Variants in LGALS9B observed in about 807,000 individuals in gnomAD.
LGALS9B encodes the protein galectin-9B.
Under a neutral mutation model 35.9 loss-of-function variants are expected in LGALS9B, and 8 were observed. That is an observed-to-expected ratio of 0.22 (90% CI 0.13 to 0.40). LGALS9B has a LOEUF of 0.40. Ranked by LOEUF, LGALS9B falls within the 10% of genes least tolerant of loss-of-function variation. The probability of loss-of-function intolerance (pLI) is 1.00; values close to 1 mark genes in which losing one functional copy is unlikely to be tolerated. For missense variants in LGALS9B, 101 were observed against 397.9 expected, an observed-to-expected ratio of 0.25 and a Z score of 6.35; for synonymous variants, 42 against 148.6, an observed-to-expected ratio of 0.28 and a Z score of 5.22.
chr17:20,465,100 C>T lies in LGALS9B; in HGVS notation c.39+2332G>A, dbSNP rs532043434. ...AGACCGGGGACTTTCCCTCTTCTTC[C>T]TACCTGGAAGTCAAAGCAGAGCTGA... On this transcript the variant is annotated intron_variant, in intron 1 of 10. Transcript: ENST00000423676. 3.3e-3 allele frequency among the ~76,000 whole-genome samples: 503 copies of T among 151,708 alleles called. 1 individual carries two copies. Among genetic ancestry groups the T allele is most frequent in the Non-Finnish European group, 4.3e-3 (291 of 67,906 alleles).
At chr17:20,467,332 C>A (rs2042769932) in intron 1 of LGALS9B, 100 bp downstream of exon 1, 3 of 1,085,280 alleles carry the variant, frequency 2.8e-6, no homozygotes, top group Non-Finnish European at 4.0e-6. Context: ...TTGGGATGCC[C>A]CCACCCCTGT....
chr17:20,455,764 C>T (rs1376142413), intron 4 of LGALS9B, among the ~76,000 whole-genome samples: 4 of 151,038 alleles, frequency 2.6e-5, no homozygotes, highest in African/African-American at 7.3e-5. Flanking sequence ...ATCCAGCTGC[C>T]GGTGCCCTGT....
At position 20,449,814 on chromosome 17, in the gene LGALS9B, G is replaced by A; in HGVS notation, c.*159C>T. On this transcript the variant is annotated 3_prime_UTR_variant, in exon 11 of 11. Transcript: ENST00000423676. Reference sequence around the variant, plus strand: ...AGTCAGCTGCCTTCTCAATTCCAGGGTGGCTGTAGCCAGAAGCAGGACCAG... The same window carrying A: ...AGTCAGCTGCCTTCTCAATTCCAGGATGGCTGTAGCCAGAAGCAGGACCAG... The A allele has an allele frequency of 2.0e-6, 1 of 501,610 alleles. No homozygotes were observed. Among genetic ancestry groups the A allele is most frequent in the East Asian group, 2.9e-5 (1 of 34,446 alleles). 31.1% of individuals were successfully genotyped at this position (501,610 alleles called of 1,614,324 possible). A position where few individuals can be genotyped will look rare whatever the true frequency, so the allele number is the denominator to read the frequency against.
In LGALS9B at chr17:20,458,267, C is replaced by T. The variant is rs545703784; in HGVS notation, c.249G>A (p.Gly83=). 1 of 1,614,000 alleles carries T rather than the reference C, an allele frequency of 6.2e-7. No homozygotes were observed. Among genetic ancestry groups the T allele is most frequent in the Non-Finnish European group, 8.5e-7 (1 of 1,179,948 alleles). Residue 83 remains glycine, a synonymous_variant, in exon 3 of 11, where the codon GGG becomes GGA. Coordinates refer to ENST00000423676, the MANE Select transcript of LGALS9B (RefSeq NM_001367292.2). ...VCNTRQKGRW[G]PEERKMHMPF... ...GCATGTGCATCTTCCTCTCCTCGGG[C>T]CCCCATCTTCCTTTCTGCCTCGTGT...
At chr17:20,455,732 C>T (rs140171531) in intron 4 of LGALS9B, among the ~76,000 whole-genome samples, 2,551 of 150,848 alleles carry the variant, frequency 0.017, 26 homozygotes, top group African/African-American at 0.055. Flanking sequence ...CCTCGAATGC[C>T]AAAAGGGTAA....
chr17:20,460,378 C>T lies in LGALS9B; in HGVS notation c.105G>A (p.Gly35=), dbSNP rs1361083420. The change falls in exon 2 of 11, where the codon GGG becomes GGA. Residue 35 remains glycine (G), a synonymous_variant. Coordinates refer to ENST00000423676, the MANE Select transcript of LGALS9B (RefSeq NM_001367292.2). ...LQDGFQITVN[G]AVLSSSGTRF... Reference sequence around the variant, plus strand: ...TGGTTCCACTGGAGCTGAGAACGGCCCCATTGACAGTGATCTGAAATCCGT... The same window carrying T: ...TGGTTCCACTGGAGCTGAGAACGGCTCCATTGACAGTGATCTGAAATCCGT... 3.7e-6 allele frequency: 6 copies of T among 1,601,094 alleles called. No homozygotes were observed. The highest frequency in any genetic ancestry group is 3.3e-5 in the Admixed American group (2 of 59,772).
At chr17:20,452,032 A>G in intron 8 of LGALS9B, 149 bp from the exon 9 acceptor site, 2 of 1,232,048 alleles carry the variant, frequency 1.6e-6, no homozygotes, top group Non-Finnish European at 1.1e-6. Flanking sequence ...AGCCAAAGGA[A>G]AACTTTCCGG....
intron 2 of LGALS9B, 121 bp downstream of exon 2, chr17:20,460,231 C>T: frequency 6.5e-7 from 1 of 1,530,864 alleles, no homozygotes. Context: ...TGCATTGGGT[C>T]TCCCCTGCGC....
Position 20,455,338 on chromosome 17 carries a change from A to C in LGALS9B, c.505T>G (p.Cys169Gly). The C allele has an allele frequency of 7.4e-7, 1 of 1,355,282 alleles. No individual in the cohort carries two copies. The highest frequency in any genetic ancestry group is 1.0e-6 in the Non-Finnish European group (1 of 970,122). The allele number at this position is 1,355,282 out of a possible 1,614,324, so 84.0% of individuals were successfully genotyped here. A position where few individuals can be genotyped will look rare whatever the true frequency, so the allele number is the denominator to read the frequency against. ...CGCCCCCTGGGCCTGGGTGGGAAAC[A>C]GACAGGCTGGGAGAACGGCACCGTG... ...FSTVPFSQPV[C>G]FPPRPRGRRQ... The change falls in exon 5 of 11, where the codon TGT (cysteine) becomes GGT (glycine). Residue 169 changes from cysteine (C) to glycine (G), a missense_variant. Coordinates refer to ENST00000423676, the MANE Select transcript of LGALS9B (RefSeq NM_001367292.2).
chr17:20,459,052 G>A (rs1168906633), intron 2 of LGALS9B, among the ~76,000 whole-genome samples: 1 of 151,832 alleles, frequency 6.6e-6, no homozygotes, highest in Non-Finnish European at 1.5e-5. Context: ...AGGAAGTCGA[G>A]GCTGCAGTGA....
At chr17:20,464,109 T>G (rs1325608709) in intron 1 of LGALS9B, among the ~76,000 whole-genome samples, 2 of 125,992 alleles carry the variant, frequency 1.6e-5, no homozygotes, top group Admixed American at 7.7e-5. Context: ...TTTTTTTTTT[T>G]TTTTTTGAGA....
At position 20,449,830 on chromosome 17, in the gene LGALS9B, G is replaced by A; in HGVS notation, c.*143C>T. ...AATTCCAGGGTGGCTGTAGCCAGAA[G>A]CAGGACCAGATAAGGACATGGCCTC... On this transcript the variant is annotated 3_prime_UTR_variant, in exon 11 of 11. Coordinates refer to ENST00000423676, the MANE Select transcript of LGALS9B (RefSeq NM_001367292.2). 2.1e-6 allele frequency: 1 copy of A among 483,186 alleles called. No individual in the cohort carries two copies. Among genetic ancestry groups the A allele is most frequent in the Admixed American group, 4.4e-5 (1 of 22,590 alleles). 29.9% of individuals were successfully genotyped at this position (483,186 alleles called of 1,614,324 possible).
Position 20,451,681 on chromosome 17 carries a change from G to A in LGALS9B, c.762-38C>T, listed in dbSNP as rs371066326. ...GCCTACCTGGACCTTTGTCCACTGA[G>A]TTCTGAGCCCCATTTCCTCCCCATC... On this transcript the variant is annotated intron_variant, in intron 9 of 10. Coordinates refer to ENST00000423676, the MANE Select transcript of LGALS9B (RefSeq NM_001367292.2). 208 of 1,577,772 alleles carry A rather than the reference G, an allele frequency of 1.3e-4. No homozygotes were observed. The African/African-American group carries it at 2.0e-3, about 15-fold the overall frequency.
rs202148308 is a variant in LGALS9B at position 20,458,248 on chromosome 17, G to A, written c.268C>T (p.His90Tyr). 473 of 1,613,800 alleles carry A rather than the reference G, an allele frequency of 2.9e-4. 2 individuals carry two copies. The African/African-American group carries it at 5.5e-3, about 19-fold the overall frequency. The change falls in exon 3 of 11, where the codon CAC becomes TAC. Residue 90 changes from histidine (H) to tyrosine (Y), a missense_variant. Coordinates refer to ENST00000423676, the MANE Select transcript of LGALS9B (RefSeq NM_001367292.2). Reference sequence around the variant, plus strand: ...GGCATCCCCTTCTGGAAGGGCATGTGCATCTTCCTCTCCTCGGGCCCCCAT... The same window carrying A: ...GGCATCCCCTTCTGGAAGGGCATGTACATCTTCCTCTCCTCGGGCCCCCAT... ...GRWGPEERKM[H>Y]MPFQKGMPFD...
rs528949594 is a variant in LGALS9B, at chr17:20,459,599, T to A, written c.131+753A>T. Among the ~76,000 whole-genome samples, 27 of 34,296 alleles carry A rather than the reference T, an allele frequency of 7.9e-4. 10 individuals carry two copies. The East Asian group carries it at 8.2e-3, about 10-fold the overall frequency. 22.5% of individuals were successfully genotyped at this position (34,296 alleles called of 152,430 possible). A position where few individuals can be genotyped will look rare whatever the true frequency, so the allele number is the denominator to read the frequency against. On this transcript the variant is annotated intron_variant, in intron 2 of 10. Coordinates refer to ENST00000423676, the MANE Select transcript of LGALS9B (RefSeq NM_001367292.2). ...CCAGAGGGTCTTAAGAGAGGTCCAC[T>A]GGGACTGAGGCAGAGAGGCTTCCGA...
intron 2 of LGALS9B, 72 bp downstream of exon 2, chr17:20,460,280 G>T (rs575855786): frequency 5.0e-6 from 8 of 1,609,932 alleles, no homozygotes; most frequent in Non-Finnish European, 6.8e-6. Context: ...TGAACTAACC[G>T]AGGCTCACAG....
In LGALS9B at chr17:20,455,459, G is replaced by A. The variant is rs963481468; in HGVS notation, c.445-61C>T. ...GCATTAATAGAGCCAAGGAGAAGCC[G>A]AAAGGCAGATGCAGGGGCAGGAGGC... On this transcript the variant is annotated intron_variant, in intron 4 of 10. Transcript: ENST00000423676. 34 of 1,176,722 alleles carry A rather than the reference G, an allele frequency of 2.9e-5. 4 individuals are homozygous for A. Among genetic ancestry groups the A allele is most frequent in the Admixed American group, 4.7e-5 (2 of 42,260 alleles). The allele number at this position is 1,176,722 out of a possible 1,614,324, so 72.9% of individuals were successfully genotyped here.
rs1181638672 is a variant in LGALS9B, at chr17:20,449,711, G to T, written c.*262C>A. 17 of 299,350 alleles carry T rather than the reference G, an allele frequency of 5.7e-5. 1 individual carries two copies. The East Asian group carries it at 6.8e-4, about 12-fold the overall frequency. The allele number at this position is 299,350 out of a possible 1,614,324, so 18.5% of individuals were successfully genotyped here. On this transcript the variant is annotated 3_prime_UTR_variant, in exon 11 of 11. Transcript: ENST00000423676. Reference sequence around the variant, plus strand: ...ACTGCCCGCTCCTCCCCTCTCCCTGGCTGTGCCCGCCTTCTGGGATTGTAG... The same window carrying T: ...ACTGCCCGCTCCTCCCCTCTCCCTGTCTGTGCCCGCCTTCTGGGATTGTAG...
At chr17:20,466,388 C>CCTGG (rs1362006294) in intron 1 of LGALS9B, among the ~76,000 whole-genome samples, 2 of 151,886 alleles carry the variant, frequency 1.3e-5, no homozygotes, top group Non-Finnish European at 2.9e-5. Flanking sequence ...CAAGCCCGAC[C>CCTGG]CTGGCCTCTG....
Sources: gnomAD v4.1 joint callset for allele counts (sites outside exome capture counted in the v4.1 genomes callset) on GRCh38, gnomAD v4.1.1 for gene constraint, MANE v1.5 for transcripts, NCBI Gene and HGNC (gene_info 2026-07-23, HGNC 2026-07-21) for gene names.